BBS9: variants seen among roughly 807,000 people sequenced by gnomAD.
The protein encoded by BBS9 is Bardet-Biedl syndrome 9.
BBS9 carries 89 observed loss-of-function variants against 117.7 expected under a neutral mutation model. The ratio of observed to expected loss-of-function variants is 0.76; its 90% CI spans 0.64 to 0.90. The LOEUF is 0.90. Among genes scored for constraint, BBS9 ranks in the 40% least tolerant of loss-of-function variants. The pLI is 0.00. For missense variants in BBS9, 982 were observed against 1,042.2 expected (o/e 0.94, Z 0.80); for synonymous variants, 379 against 370.9 (o/e 1.02, Z -0.25).
chr7:33,185,838 G>A (rs1051852894), intron 5 of BBS9, among the ~76,000 whole-genome samples: 2 of 152,184 alleles, frequency 1.3e-5, no homozygotes, highest in Non-Finnish European at 2.9e-5. Flanking sequence ...ATTATGGAAA[G>A]GCAGTGGGAG....
intron 5 of BBS9, among the ~76,000 whole-genome samples, chr7:33,253,133 T>G (rs1796484385): frequency 6.6e-6 from 1 of 152,182 alleles, no homozygotes; most frequent in Non-Finnish European, 1.5e-5. Context: ...CATATTCAAA[T>G]TCCCCCAATT....
chr7:33,550,425 A>G (rs1282461134), intron 21 of BBS9, among the ~76,000 whole-genome samples: 3 of 152,176 alleles, frequency 2.0e-5, no homozygotes, highest in Non-Finnish European at 2.9e-5. Context: ...TTTTTCAAAT[A>G]TATGCATAAT....
intron 5 of BBS9, among the ~76,000 whole-genome samples, chr7:33,238,530 G>GT (rs1261483610): frequency 6.6e-6 from 1 of 152,092 alleles, no homozygotes; most frequent in African/African-American, 2.4e-5. Flanking sequence ...CCAACCTCAG[G>GT]TTATCTGCCC....
At position 33,272,763 on chromosome 7, in the gene BBS9, T is replaced by C. The variant is rs545005956; in HGVS notation, c.703-249T>C. Among the ~76,000 whole-genome samples, 3 of 152,232 alleles carry C rather than the reference T, an allele frequency of 2.0e-5. No homozygotes were observed. The East Asian group carries it at 5.8e-4, about 29-fold the overall frequency. On this transcript the variant is annotated intron_variant, in intron 7 of 22. Transcript: ENST00000242067. ...TTTTTTAGGGAAGCAGATAAGTGTT[T>C]TAGTGTTCTTGAATTGCAGAATAGT... is the stretch of plus-strand genomic sequence containing the variant.
intron 21 of BBS9, among the ~76,000 whole-genome samples, chr7:33,565,125 T>C (rs1413289855): frequency 3.3e-5 from 5 of 152,164 alleles, no homozygotes; most frequent in Non-Finnish European, 5.9e-5. Context: ...TCAAAAAAGA[T>C]AACATATATG....
At chr7:33,378,847 TTGTCTTTCCTCATCA>T (rs1824406679) in intron 17 of BBS9, among the ~76,000 whole-genome samples, 1 of 152,170 alleles carries the variant, frequency 6.6e-6, no homozygotes, top group Non-Finnish European at 1.5e-5. Context: ...CTAATTGGGT[TTGTCTTTCCTCATCA>T]AGAACTCAGC....
chr7:33,562,618 A>G (rs996738748), intron 21 of BBS9, among the ~76,000 whole-genome samples: 133 of 152,232 alleles, frequency 8.7e-4, no homozygotes, highest in African/African-American at 3.1e-3. Flanking sequence ...AAATGTAGTG[A>G]CAGAAGCCAT....
chr7:33,415,303 A>T (rs1254325620), intron 19 of BBS9, among the ~76,000 whole-genome samples: 3 of 152,206 alleles, frequency 2.0e-5, no homozygotes, highest in African/African-American at 7.2e-5. Flanking sequence ...ACTGAGAACT[A>T]TAGTTTTCCC....
chr7:33,301,468 C>A (rs759870297), intron 9 of BBS9, among the ~76,000 whole-genome samples: 1 of 151,966 alleles, frequency 6.6e-6, no homozygotes, highest in Non-Finnish European at 1.5e-5. Context: ...GCTCTCCATG[C>A]GTTCAATTAT....
chr7:33,218,385 G>C (rs1254978816), intron 5 of BBS9, among the ~76,000 whole-genome samples: 2 of 152,158 alleles, frequency 1.3e-5, no homozygotes, highest in African/African-American at 4.8e-5. Context: ...CTGAAAATAT[G>C]GTTGTATATT....
intron 1 of BBS9, among the ~76,000 whole-genome samples, chr7:33,131,033 T>G (rs1221839685): frequency 6.6e-6 from 1 of 152,226 alleles, no homozygotes; most frequent in African/African-American, 2.4e-5. Flanking sequence ...TGAAAATTAT[T>G]AAAATACATG....
chr7:33,199,082 C>T (rs1467084517), intron 5 of BBS9, among the ~76,000 whole-genome samples: 1 of 151,854 alleles, frequency 6.6e-6, no homozygotes, highest in African/African-American at 2.4e-5. Context: ...ATTTGGGAAC[C>T]CAATCAATGG....
Position 33,385,672 on chromosome 7 carries a change from A to G in BBS9, c.1962+1834A>G, listed in dbSNP as rs115122602. On this transcript the variant is annotated intron_variant, in intron 18 of 22. Transcript: ENST00000242067. ...TCAAGAATTTAGGAAATAAATTATT[A>G]CAGCAGTAAATTATACAATTAAAAG... 1.9e-3 allele frequency among the ~76,000 whole-genome samples: 288 copies of G among 152,348 alleles called. 4 individuals are homozygous for G. The South Asian group carries it at 0.035, about 19-fold the overall frequency.
At chr7:33,516,283 G>T (rs1308538508) in intron 20 of BBS9, among the ~76,000 whole-genome samples, 1 of 151,920 alleles carries the variant, frequency 6.6e-6, no homozygotes, top group Non-Finnish European at 1.5e-5. Flanking sequence ...GAGGTCAGGA[G>T]TTCAAGACCA....
chr7:33,394,358 C>T (rs1416064567), intron 19 of BBS9, among the ~76,000 whole-genome samples: 1 of 151,894 alleles, frequency 6.6e-6, no homozygotes, highest in Non-Finnish European at 1.5e-5. Context: ...GGTGGGAACA[C>T]ATGAAGACAT....
At chr7:33,266,629 T>C (rs1798868788) in intron 7 of BBS9, among the ~76,000 whole-genome samples, 1 of 152,230 alleles carries the variant, frequency 6.6e-6, no homozygotes, top group Non-Finnish European at 1.5e-5. Context: ...TATATCCTTA[T>C]TAGTTTTTTT....
chr7:33,342,856 T>C (rs2128641735), intron 11 of BBS9, among the ~76,000 whole-genome samples: 1 of 152,346 alleles, frequency 6.6e-6, no homozygotes, highest in African/African-American at 2.4e-5. Flanking sequence ...GATAGCTAAA[T>C]GTAAAATATT....
downstream of BBS9, among the ~76,000 whole-genome samples, chr7:33,608,072 T>C (rs936171126): frequency 2.6e-5 from 4 of 151,946 alleles, no homozygotes; most frequent in Admixed American, 2.6e-4. Flanking sequence ...TAATCCCCAG[T>C]GTCTATTGTT....
rs560959929 is a variant in BBS9, at chr7:33,534,716, G to A, written c.2521+540G>A. On this transcript the variant is annotated intron_variant, in intron 21 of 22. Coordinates refer to ENST00000242067, the MANE Select transcript of BBS9 (RefSeq NM_198428.3). Reference sequence around the variant, plus strand: ...AGAGAGATTCCACTTGCCCCTCCATGGGCAGTCAGTGATGGTCGTGGGCAC... The same window carrying A: ...AGAGAGATTCCACTTGCCCCTCCATAGGCAGTCAGTGATGGTCGTGGGCAC... Among the ~76,000 whole-genome samples, 164 of 152,236 alleles carry A rather than the reference G, an allele frequency of 1.1e-3. 2 individuals are homozygous for A. The highest frequency in any genetic ancestry group is 3.8e-3 in the African/African-American group (156 of 41,526).
Sources: gnomAD v4.1 joint callset for allele counts (sites outside exome capture counted in the v4.1 genomes callset) on GRCh38, gnomAD v4.1.1 for gene constraint, MANE v1.5 for transcripts, NCBI Gene and HGNC (gene_info 2026-07-23, HGNC 2026-07-21) for gene names.